TPX2: variants seen among roughly 807,000 people sequenced by gnomAD.
The protein encoded by TPX2 is targeting protein for Xklp2.
TPX2 carries 21 observed loss-of-function variants against 93.6 expected under a neutral mutation model. The ratio of observed to expected loss-of-function variants is 0.22; its 90% CI spans 0.16 to 0.32. The LOEUF (loss-of-function observed/expected upper bound fraction) is 0.32. Ranked by LOEUF, TPX2 falls within the 10% of genes least tolerant of loss-of-function variation. The pLI, the probability that TPX2 is intolerant of heterozygous loss-of-function variation, is 1.00. For missense variants in TPX2, 776 were observed against 871.1 expected (o/e 0.89, Z 1.37); for synonymous variants, 281 against 298.3 (o/e 0.94, Z 0.60).
rs562245321 is a variant in TPX2 at position 31,745,042 on chromosome 20, G to A, written c.-71+2395G>A. Among the ~76,000 whole-genome samples, 26 of 152,242 alleles carry A rather than the reference G, an allele frequency of 1.7e-4. 1 individual carries two copies. The highest frequency in any genetic ancestry group is 4.2e-4 in the South Asian group (2 of 4,818). On this transcript the variant is annotated intron_variant, in intron 2 of 17. Coordinates refer to ENST00000300403, the MANE Select transcript of TPX2 (RefSeq NM_012112.5). The stretch of plus-strand genomic sequence containing the variant: ...GTGGAGGTTGCAGTGAGCCGAGATC[G>A]CGCCATTGCACTACTGCAGCCTAGG...
rs1404208165 is a variant in TPX2 at position 31,775,899 on chromosome 20, A to G, written c.641A>G (p.Glu214Gly). ...TTTCTAAAAAGTACTGAGGAGCAAGAGCTGGAGAAGAGTATGAAAATGCAG... is the reference window on the plus strand; with the variant it reads ...TTTCTAAAAAGTACTGAGGAGCAAGGGCTGGAGAAGAGTATGAAAATGCAG... ...QKFLKSTEEQELEKSMKMQQE... is the reference protein window; with the variant it reads ...QKFLKSTEEQGLEKSMKMQQE... Residue 214 changes from glutamate to glycine, a missense_variant, in exon 8 of 18, where the codon GAG (glutamate) becomes GGG (glycine). Glu to Gly is a moderately conservative substitution (Grantham distance 98). This residue lies in a region of TPX2 where 279 missense variants were observed against 261.6 expected (regional missense o/e 1.07). Transcript: ENST00000300403. 6.2e-7 allele frequency: 1 copy of G among 1,603,916 alleles called. No individual in the cohort carries two copies. Among genetic ancestry groups the G allele is most frequent in the South Asian group, 1.1e-5 (1 of 89,634 alleles).
At chr20:31,762,786 G>A (rs2061898130) in intron 4 of TPX2, among the ~76,000 whole-genome samples, 1 of 152,078 alleles carries the variant, frequency 6.6e-6, no homozygotes, top group South Asian at 2.1e-4. Context: ...AGTTTGATCA[G>A]CACCATTTTT....
At chr20:31,788,736 G>A (rs1379355161) in intron 12 of TPX2, among the ~76,000 whole-genome samples, 4 of 152,198 alleles carry the variant, frequency 2.6e-5, no homozygotes, top group African/African-American at 4.8e-5. Context: ...CCTTGAGCAC[G>A]AGGGTGTGAA....
chr20:31,777,237 T>C (rs1333098312), intron 8 of TPX2, among the ~76,000 whole-genome samples: 1 of 152,230 alleles, frequency 6.6e-6, no homozygotes, highest in Non-Finnish European at 1.5e-5. Flanking sequence ...GAGATGGGAT[T>C]CTTCTACCCT....
intron 11 of TPX2, 100 bp from the exon 12 acceptor site, chr20:31,783,605 A>C: frequency 8.6e-7 from 1 of 1,161,686 alleles, no homozygotes; most frequent in Non-Finnish European, 1.2e-6. Context: ...TGGGAGCATA[A>C]TCTTAATGAT....
chr20:31,784,112 G>A (rs912657655), intron 12 of TPX2, among the ~76,000 whole-genome samples, 191 bp downstream of exon 12: 1 of 152,202 alleles, frequency 6.6e-6, no homozygotes, highest in Non-Finnish European at 1.5e-5. Flanking sequence ...CAATATATGT[G>A]TGAATAATAG....
At chr20:31,778,633 AT>A (rs375095645) in intron 9 of TPX2, among the ~76,000 whole-genome samples, 179 bp from the exon 10 acceptor site, 2 of 151,924 alleles carry the variant, frequency 1.3e-5, no homozygotes, top group African/African-American at 4.8e-5. Flanking sequence ...TCCATTTTTA[AT>A]TTTTTTTAAT....
chr20:31,787,615 G>C (rs1211500457), intron 12 of TPX2, among the ~76,000 whole-genome samples: 1 of 152,156 alleles, frequency 6.6e-6, no homozygotes, highest in African/African-American at 2.4e-5. Context: ...AGGGGAAAGG[G>C]TGGATAGTGG....
chr20:31,760,052 C>T lies in TPX2; in HGVS notation c.107-5C>T. On this transcript the variant is annotated splice_region_variant and splice_polypyrimidine_tract_variant and intron_variant, in intron 3 of 17. Coordinates refer to ENST00000300403, the MANE Select transcript of TPX2 (RefSeq NM_012112.5). ...TCAGACAATGATGATCTTCCCTTTTCACAGAGGAGAAGGCCAATTTGGAGA... is the reference window on the plus strand; with the variant it reads ...TCAGACAATGATGATCTTCCCTTTTTACAGAGGAGAAGGCCAATTTGGAGA... 1.2e-6 allele frequency: 2 copies of T among 1,612,474 alleles called. No homozygotes were observed. The highest frequency in any genetic ancestry group is 2.2e-5 in the South Asian group (2 of 90,752).
At chr20:31,795,058 T>C (rs2062128797) in intron 15 of TPX2, among the ~76,000 whole-genome samples, 1 of 152,148 alleles carries the variant, frequency 6.6e-6, no homozygotes, top group South Asian at 2.1e-4. Context: ...CCTGACCTCG[T>C]GATCTGTCCG....
At chr20:31,797,550 G>A (rs1302701164) in intron 16 of TPX2, 35 bp downstream of exon 16, 1 of 1,583,332 alleles carries the variant, frequency 6.3e-7, no homozygotes, top group Non-Finnish European at 8.7e-7. Context: ...GACTCGGGCA[G>A]AATTGTCAGA....
chr20:31,800,404 A>C (rs2062163567), intron 17 of TPX2, among the ~76,000 whole-genome samples: 1 of 152,182 alleles, frequency 6.6e-6, no homozygotes, highest in Non-Finnish European at 1.5e-5. Flanking sequence ...AACATTGTAA[A>C]GCACAATTCA....
At chr20:31,765,572 A>G (rs1265743272) in intron 4 of TPX2, among the ~76,000 whole-genome samples, 1 of 152,152 alleles carries the variant, frequency 6.6e-6, no homozygotes, top group African/African-American at 2.4e-5. Flanking sequence ...CCGTCTTCCC[A>G]GTAGCTGTTT....
chr20:31,781,253 C>CTTTTTTTTTTTTTT (rs1007150417), intron 10 of TPX2, among the ~76,000 whole-genome samples: 18 of 116,774 alleles, frequency 1.5e-4, no homozygotes, highest in African/African-American at 6.2e-4. Flanking sequence ...GGCCTTATAT[C>CTTTTTTTTTTTTTT]TTTTTTTTTT....
chr20:31,787,722 T>C (rs2062075906), intron 12 of TPX2, among the ~76,000 whole-genome samples: 1 of 152,210 alleles, frequency 6.6e-6, no homozygotes, highest in African/African-American at 2.4e-5. Flanking sequence ...AATAGTTACT[T>C]ATGCATTCAT....
At chr20:31,792,232 G>A (rs190444792) in intron 12 of TPX2, among the ~76,000 whole-genome samples, 2 of 152,000 alleles carry the variant, frequency 1.3e-5, no homozygotes, top group African/African-American at 2.4e-5. Context: ...AGTGGTGCGC[G>A]CTTGTAGTCC....
intron 11 of TPX2, among the ~76,000 whole-genome samples, chr20:31,783,237 CTTTTATTA>C (rs995670899): frequency 1.3e-5 from 2 of 151,692 alleles, no homozygotes; most frequent in Admixed American, 6.6e-5. Flanking sequence ...TTCTTTTATT[CTTTTATTA>C]TTTTTTATTT....
chr20:31,770,809 T>C (rs1270607168), intron 6 of TPX2, among the ~76,000 whole-genome samples: 1 of 152,172 alleles, frequency 6.6e-6, no homozygotes, highest in Non-Finnish European at 1.5e-5. Context: ...AGTCTTCAAC[T>C]GGAGTGGTTT....
chr20:31,762,312 G>A (rs987607675), intron 4 of TPX2, among the ~76,000 whole-genome samples: 6 of 152,016 alleles, frequency 3.9e-5, no homozygotes, highest in African/African-American at 9.7e-5. Context: ...GCCCAGAACC[G>A]TGTCCTAAAG....
Sources: allele counts gnomAD v4.1 joint callset (sites outside exome capture counted in the v4.1 genomes callset), GRCh38; gene constraint gnomAD v4.1.1; regional missense constraint gnomAD v4.1.1; transcripts MANE v1.5; gene names NCBI Gene and HGNC (gene_info 2026-07-23, HGNC 2026-07-21).